Variants in CASZ1 observed in about 807,000 individuals in gnomAD.
The protein encoded by CASZ1 is castor zinc finger 1.
In CASZ1, 28 loss-of-function variants were observed where a neutral mutation model predicts 135.2. That is an observed-to-expected ratio of 0.21 (90% confidence interval 0.15 to 0.28). CASZ1 has a LOEUF of 0.28. Among genes scored for constraint, CASZ1 ranks in the 10% least tolerant of loss-of-function variants. CASZ1 has a pLI of 1.00. For synonymous variants in CASZ1, 1,068 were observed against 1,073.4 expected (o/e 0.99, Z 0.10); for missense variants, 2,161 against 2,453.3 (o/e 0.88, Z 2.52).
At chr1:10,686,668 G>A (rs1008633330) in intron 4 of CASZ1, among the ~76,000 whole-genome samples, 25 of 152,166 alleles carry the variant, frequency 1.6e-4, no homozygotes, top group Non-Finnish European at 3.4e-4. Flanking sequence ...TTGACTCACC[G>A]CCTTATTGCT....
chr1:10,694,122 TGA>T lies in CASZ1; in HGVS notation c.-23-212_-23-211del, dbSNP rs1638857825. 1.3e-5 allele frequency among the ~76,000 whole-genome samples: 2 copies of T among 150,278 alleles called. No homozygotes were observed. The highest frequency in any genetic ancestry group is 4.9e-5 in the African/African-American group (2 of 41,014). The stretch of plus-strand genomic sequence containing the variant: ...CACGCGCCCGCGGGTCCGCGCCGCC[TGA>T]GTTTCTCCAACTAAGGCAGCAACTC... On this transcript the variant is annotated intron_variant, in intron 3 of 20. Transcript: ENST00000377022. This position sits in a 1 kb window ranked among gnomAD's most constrained non-coding sequence, Gnocchi z 6.6.
chr1:10,660,450 C>T lies in CASZ1; in HGVS notation c.592G>A (p.Asp198Asn), dbSNP rs146925296. ...AAGCTGATCTTCCTGGCCAGCTCGT[C>T]CCGCGTGTTCTGGTCATCATAGCCA... ...MFGYDDQNTR[D>N]ELARKISFEK... The change falls in exon 6 of 21, where the codon GAC becomes AAC. Residue 198 changes from aspartate (D) to asparagine (N), a missense_variant. Physicochemically the swap from Asp to Asn is conservative, Grantham distance 23 (BLOSUM62 1). This residue lies in a region of CASZ1 where 590 missense variants were observed against 609.8 expected (regional missense o/e 0.97). Coordinates refer to ENST00000377022, the MANE Select transcript of CASZ1 (RefSeq NM_001079843.3). 13 of 1,614,050 alleles carry T rather than the reference C, an allele frequency of 8.1e-6. No homozygotes were observed. The African/African-American group carries it at 1.7e-4, about 22-fold the overall frequency.
chr1:10,709,408 A>G lies in CASZ1; in HGVS notation c.-76-3864T>C, dbSNP rs1639240433. Among the ~76,000 whole-genome samples the G allele has an allele frequency of 6.6e-6, 1 of 152,158 alleles. No individual in the cohort carries two copies. The highest frequency in any genetic ancestry group is 2.4e-5 in the African/African-American group (1 of 41,442). On this transcript the variant is annotated intron_variant, in intron 2 of 20. Coordinates refer to ENST00000377022, the MANE Select transcript of CASZ1 (RefSeq NM_001079843.3). This position sits in a 1 kb window ranked among gnomAD's most constrained non-coding sequence, Gnocchi z 5.1. ...TGAGGAGGGGGGCGGCATAGACAAC[A>G]GGGGCAGCGTCATGGAAACGGGCAC...
intron 1 of CASZ1, among the ~76,000 whole-genome samples, chr1:10,772,538 T>C (rs2100595937): frequency 6.6e-6 from 1 of 152,268 alleles, no homozygotes; most frequent in East Asian, 1.9e-4. Context: ...TGGAAGACTC[T>C]GGGAAGCTGT....
At chr1:10,772,100 A>T (rs1218301802) in intron 1 of CASZ1, among the ~76,000 whole-genome samples, 1 of 152,232 alleles carries the variant, frequency 6.6e-6, no homozygotes, top group African/African-American at 2.4e-5. Context: ...CAAGGTGAGG[A>T]GACCTGGAGA....
intron 20 of CASZ1, among the ~76,000 whole-genome samples, chr1:10,641,046 G>A (rs991769139): frequency 6.6e-6 from 1 of 152,226 alleles, no homozygotes; most frequent in Non-Finnish European, 1.5e-5. Flanking sequence ...CTCCCACACG[G>A]CTGACCTGCC....
Position 10,639,687 on chromosome 1 carries a change from C to A in CASZ1, c.4535G>T (p.Ser1512Ile). 1 of 1,597,976 alleles carries A rather than the reference C, an allele frequency of 6.3e-7. No homozygotes were observed. The highest frequency in any genetic ancestry group is 1.7e-5 in the Admixed American group (1 of 57,548). ...GCAGCGCAGGCAGTGGAAGTGCGTG[C>A]TGGTGCCCGAGAAGGGGCAGTCGGC... is the stretch of plus-strand genomic sequence containing the variant. ...HFADCPFSGT[S>I]THFHCLRCRF... is the part of the protein sequence containing the mutation. Residue 1512 changes from serine to isoleucine, a missense_variant, in exon 21 of 21, where the codon AGC becomes ATC. By Grantham distance (142) the Ser-to-Ile change is moderately radical. Coordinates refer to ENST00000377022, the MANE Select transcript of CASZ1 (RefSeq NM_001079843.3). The surrounding 1 kb of genome is among the most constrained non-coding windows in gnomAD (Gnocchi z 4.0).
In CASZ1 at chr1:10,767,610, G is replaced by C. The variant is rs914892525; in HGVS notation, c.-233-6753C>G. Among the ~76,000 whole-genome samples the C allele has an allele frequency of 6.6e-6, 1 of 152,036 alleles. No homozygotes were observed. Among genetic ancestry groups the C allele is most frequent in the Non-Finnish European group, 1.5e-5 (1 of 68,020 alleles). On this transcript the variant is annotated intron_variant, in intron 1 of 20. Coordinates refer to ENST00000377022, the MANE Select transcript of CASZ1 (RefSeq NM_001079843.3). The surrounding 1 kb of genome is among the most constrained non-coding windows in gnomAD (Gnocchi z 4.2). ...TGGTGGCTCAGCCCTTTCTGCCATC[G>C]ACCACCCAAAGTCATTCAGATATTT... is the stretch of plus-strand genomic sequence containing the variant.
At chr1:10,787,436 C>T (rs1640877911) in intron 1 of CASZ1, among the ~76,000 whole-genome samples, 2 of 152,244 alleles carry the variant, frequency 1.3e-5, no homozygotes, top group African/African-American at 4.8e-5. Context: ...CCCGAAATTC[C>T]CGAAGGAGCT....
chr1:10,665,365 G>A lies in CASZ1; in HGVS notation c.223C>T (p.Arg75Trp), dbSNP rs750816884. 9.9e-6 allele frequency: 16 copies of A among 1,611,478 alleles called. No homozygotes were observed. The highest frequency in any genetic ancestry group is 3.3e-4 in the Middle Eastern group (2 of 6,054). The change falls in exon 5 of 21, where the codon CGG becomes TGG. Residue 75 changes from arginine to tryptophan, a missense_variant. Coordinates refer to ENST00000377022, the MANE Select transcript of CASZ1 (RefSeq NM_001079843.3). ...TTGTCTTCCTCGCTGCGGGGGGCCCGGGCTGCCCCAGACTCAGGGCCACTG... is the reference window on the plus strand; with the variant it reads ...TTGTCTTCCTCGCTGCGGGGGGCCCAGGCTGCCCCAGACTCAGGGCCACTG... ...ERSGPESGAA[R>W]APRSEEDKRR...
rs369900504 is a variant in CASZ1 at position 10,646,248 on chromosome 1, G to A, written c.3576C>T (p.Val1192=). The change falls in exon 17 of 21, where the codon GTC becomes GTT. Residue 1192 remains valine (V), a synonymous_variant. Transcript: ENST00000377022. The surrounding 1 kb of genome is among the most constrained non-coding windows in gnomAD (Gnocchi z 6.4). The part of the protein sequence containing the change: ...FHCLFGNCKY[V]CKTSGKAESH... ...ATTCGGCCTTGCCAGACGTTTTGCA[G>A]ACGTACTTGCAGTTCCCAAAGAGAC... The A allele has an allele frequency of 1.2e-5, 20 of 1,614,186 alleles. No homozygotes were observed. The African/African-American group carries it at 2.7e-4, about 22-fold the overall frequency.
chr1:10,664,050 G>T (rs1471540735), intron 5 of CASZ1, among the ~76,000 whole-genome samples: 2 of 152,344 alleles, frequency 1.3e-5, no homozygotes, highest in African/African-American at 4.8e-5. Flanking sequence ...GAAACTGAAG[G>T]TCACACTTTT....
intron 1 of CASZ1, among the ~76,000 whole-genome samples, chr1:10,770,987 T>C (rs1196069123): frequency 6.6e-6 from 1 of 152,220 alleles, no homozygotes; most frequent in Non-Finnish European, 1.5e-5. Context: ...GGGGCGGTCA[T>C]TGCCCCCAAG....
rs1639034488 is a variant in CASZ1 at position 10,700,241 on chromosome 1, T to C, written c.-24+5251A>G. ...TGGCATTTTGTCTCAGTTACAATGA[T>C]CAGCTGCAGAAGATATGGGATTTCT... On this transcript the variant is annotated intron_variant, in intron 3 of 20. Transcript: ENST00000377022. This position sits in a 1 kb window ranked among gnomAD's most constrained non-coding sequence, Gnocchi z 4.2. 6.6e-6 allele frequency among the ~76,000 whole-genome samples: 1 copy of C among 152,152 alleles called. No individual in the cohort carries two copies. Among genetic ancestry groups the C allele is most frequent in the Non-Finnish European group, 1.5e-5 (1 of 68,008 alleles).
chr1:10,650,631 CCAGCA>C, intron 13 of CASZ1, 56 bp downstream of exon 13: 1 of 1,401,184 alleles, frequency 7.1e-7, no homozygotes. Flanking sequence ...CCCCCACCCC[CCAGCA>C]CAGCTTTAAT....
At chr1:10,750,745 C>T (rs1403974572) in intron 2 of CASZ1, among the ~76,000 whole-genome samples, 1 of 151,952 alleles carries the variant, frequency 6.6e-6, no homozygotes, top group Non-Finnish European at 1.5e-5. Flanking sequence ...ACTAAAAATA[C>T]AAAAATTAGC....
At chr1:10,789,819 AG>A (rs1208280820) in intron 1 of CASZ1, among the ~76,000 whole-genome samples, 1 of 152,154 alleles carries the variant, frequency 6.6e-6, no homozygotes, top group African/African-American at 2.4e-5. Context: ...GACTTTGAAC[AG>A]GGGGAACAGG....
intron 2 of CASZ1, among the ~76,000 whole-genome samples, chr1:10,745,284 C>A (rs1419757334): frequency 6.6e-6 from 1 of 152,150 alleles, no homozygotes; most frequent in Non-Finnish European, 1.5e-5. Flanking sequence ...ACTCAGGGAA[C>A]CCCAGGCAGC....
At chr1:10,644,412 C>T (rs1336990750) in intron 18 of CASZ1, among the ~76,000 whole-genome samples, 1 of 151,992 alleles carries the variant, frequency 6.6e-6, no homozygotes, top group East Asian at 1.9e-4. Flanking sequence ...TGAGTCGCCA[C>T]CACTGTCACC....
Sources: allele counts gnomAD v4.1 joint callset (sites outside exome capture counted in the v4.1 genomes callset), GRCh38; gene constraint gnomAD v4.1.1; regional missense constraint gnomAD v4.1.1; non-coding constraint Gnocchi (gnomAD v3.1); transcripts MANE v1.5; gene names NCBI Gene and HGNC (gene_info 2026-07-23, HGNC 2026-07-21).